The following SFXN3 variants were observed in gnomAD, a reference collection of about 807,000 sequenced individuals.
The protein encoded by SFXN3 is sideroflexin-3.
SFXN3 carries 31 observed loss-of-function variants against 40.4 expected under a neutral mutation model. The ratio of observed to expected loss-of-function variants is 0.77; its 90% CI spans 0.58 to 1.04. The LOEUF (loss-of-function observed/expected upper bound fraction) is 1.04, where lower values mean the gene tolerates loss of function less well. Ranked by LOEUF, SFXN3 falls within the 50% of genes least tolerant of loss-of-function variation. SFXN3 has a pLI of 0.00. For synonymous variants in SFXN3, 157 were observed against 160.0 expected, an observed-to-expected ratio of 0.98 and a Z score of 0.14; for missense variants, 366 against 408.2, an observed-to-expected ratio of 0.90 and a Z score of 0.89.
chr10:101,036,436 A>G lies in SFXN3; in HGVS notation c.432-50A>G, dbSNP rs370583086. 7.0e-6 allele frequency: 11 copies of G among 1,582,090 alleles called. No individual in the cohort carries two copies. The highest frequency in any genetic ancestry group is 8.7e-6 in the Non-Finnish European group (10 of 1,151,372). ...TGGCATATCCCTAAAGGAAAGGGCCACCTGCTGGACTTGTCACCTCTCCCC... is the reference window on the plus strand; with the variant it reads ...TGGCATATCCCTAAAGGAAAGGGCCGCCTGCTGGACTTGTCACCTCTCCCC... On this transcript the variant is annotated intron_variant, in intron 5 of 11. Coordinates refer to ENST00000393459, the Ensembl canonical transcript of SFXN3. The surrounding 1 kb of genome is among the most constrained non-coding windows in gnomAD (Gnocchi z 4.2).
chr10:101,037,785 C>T (rs1414446928), intron 9 of SFXN3: 1 of 1,184,748 alleles, frequency 8.4e-7, no homozygotes, highest in Non-Finnish European at 1.1e-6. Context: ...CACGCACACA[C>T]AGACATGAAC....
At chr10:101,035,413 G>A (rs1450731618) in intron 3 of SFXN3, 84 bp from the exon 4 acceptor site, 12 of 1,481,144 alleles carry the variant, frequency 8.1e-6, no homozygotes, top group Non-Finnish European at 9.9e-6. Context: ...TCTGTCCAGA[G>A]TTACCCTGAG....
Position 101,039,842 on chromosome 10 carries a change from T to C in SFXN3, c.*257T>C. ...TGCATATACATACATGATACACATG[T>C]GTATGTGTACATTGGGTCCTGAAAG... On this transcript the variant is annotated 3_prime_UTR_variant, in exon 12 of 12. Coordinates refer to ENST00000393459, the Ensembl canonical transcript of SFXN3. This position sits in a 1 kb window ranked among gnomAD's most constrained non-coding sequence, Gnocchi z 4.6. The C allele has an allele frequency of 1.9e-6, 1 of 522,528 alleles. No homozygotes were observed. The highest frequency in any genetic ancestry group is 3.5e-6 in the Non-Finnish European group (1 of 288,620). 32.4% of individuals were successfully genotyped at this position (522,528 alleles called of 1,614,324 possible).
intron 2 of SFXN3, 24 bp from the exon 3 acceptor site, chr10:101,034,668 C>T (rs1398105720): frequency 6.2e-7 from 1 of 1,612,620 alleles, no homozygotes; most frequent in Non-Finnish European, 8.5e-7. Flanking sequence ...GACTCCCGCT[C>T]TGACCCTTAT....
chr10:101,039,540 G>A lies in SFXN3; in HGVS notation c.921G>A (p.Glu307=). ...CAGAGCTGAGAGCTCAGATCCATGA[G>A]CAAAACCCCAGCGTTGAAGTGGTCT... The change falls in exon 12 of 12, where the codon GAG becomes GAA. Residue 307 remains glutamate, a synonymous_variant. Transcript: ENST00000393459. The surrounding 1 kb of genome is among the most constrained non-coding windows in gnomAD (Gnocchi z 4.6). The A allele has an allele frequency of 6.2e-7, 1 of 1,614,134 alleles. No homozygotes were observed. The highest frequency in any genetic ancestry group is 8.5e-7 in the Non-Finnish European group (1 of 1,179,992).
At chr10:101,040,167 G>A (rs1368564618) in exon 12 of SFXN3, 1 of 157,218 alleles carries the variant, frequency 6.4e-6, no homozygotes, top group African/African-American at 2.4e-5. Flanking sequence ...AGGGAGGCAG[G>A]GGACTTATGC....
At chr10:101,035,966 G>A (rs781078772) in intron 4 of SFXN3, 37 bp from the exon 5 acceptor site, 11 of 1,562,400 alleles carry the variant, frequency 7.0e-6, no homozygotes, top group African/African-American at 1.4e-5. Flanking sequence ...GAGGGCCACT[G>A]TAGACGGGGC....
At position 101,036,509 on chromosome 10, in the gene SFXN3, G is replaced by A. The variant is rs763882085; in HGVS notation, c.455G>A (p.Ser152Asn). ...AGGCAGCTGGGGACAGCCTATGTGAGTGCCACCACTGGAGCTGTGGCCACG... is the reference window on the plus strand; with the variant it reads ...AGGCAGCTGGGGACAGCCTATGTGAATGCCACCACTGGAGCTGTGGCCACG... Residue 152 changes from serine (S) to asparagine (N), a missense_variant, in exon 6 of 12, where the codon AGT becomes AAT. Transcript: ENST00000393459. The surrounding 1 kb of genome is among the most constrained non-coding windows in gnomAD (Gnocchi z 4.2). The A allele has an allele frequency of 1.2e-6, 2 of 1,614,004 alleles. No individual in the cohort carries two copies. Among genetic ancestry groups the A allele is most frequent in the Non-Finnish European group, 1.7e-6 (2 of 1,180,002 alleles).
At position 101,039,778 on chromosome 10, in the gene SFXN3, A is replaced by G. The variant is rs1938811526; in HGVS notation, c.*193A>G. On this transcript the variant is annotated 3_prime_UTR_variant, in exon 12 of 12. Coordinates refer to ENST00000393459, the Ensembl canonical transcript of SFXN3. This position sits in a 1 kb window ranked among gnomAD's most constrained non-coding sequence, Gnocchi z 4.6. ...CTTTTCCTCCCTTCTCTGGTTTCAA[A>G]GATCAGAGCACATAACCCCTCCTGT... 1.7e-6 allele frequency: 1 copy of G among 605,500 alleles called. No individual in the cohort carries two copies. Among genetic ancestry groups the G allele is most frequent in the Non-Finnish European group, 3.0e-6 (1 of 338,400 alleles). The allele number at this position is 605,500 out of a possible 1,614,324, so 37.5% of individuals were successfully genotyped here.
chr10:101,038,009 A>G, intron 9 of SFXN3: 1 of 321,400 alleles, frequency 3.1e-6, no homozygotes, highest in Non-Finnish European at 4.6e-6. Context: ...TAGAAAGTGT[A>G]ATATGTGCTT....
rs1448701960 is a variant in SFXN3 at position 101,036,304 on chromosome 10, C to A, written c.432-182C>A. Among the ~76,000 whole-genome samples the A allele has an allele frequency of 1.3e-5, 2 of 152,234 alleles. No homozygotes were observed. The highest frequency in any genetic ancestry group is 4.8e-5 in the African/African-American group (2 of 41,456). On this transcript the variant is annotated intron_variant, in intron 5 of 11. Transcript: ENST00000393459. This position sits in a 1 kb window ranked among gnomAD's most constrained non-coding sequence, Gnocchi z 4.2. The stretch of plus-strand genomic sequence containing the variant: ...TATGTATGCTGTGGGGGACCCACCC[C>A]TCTTCACAGGGTGCTACTGGGGCTT...
intron 2 of SFXN3, 92 bp downstream of exon 2, chr10:101,032,574 T>C (rs1938330041): frequency 2.9e-6 from 4 of 1,378,702 alleles, no homozygotes; most frequent in Non-Finnish European, 3.9e-6. Context: ...GTGCAGTCAA[T>C]GTCCTCGGCT....
chr10:101,039,062 G>A lies in SFXN3; in HGVS notation c.822-113G>A. On this transcript the variant is annotated intron_variant, in intron 10 of 11. Coordinates refer to ENST00000393459, the Ensembl canonical transcript of SFXN3. This position sits in a 1 kb window ranked among gnomAD's most constrained non-coding sequence, Gnocchi z 4.6. ...TTACTATTCCTAAAAGGTCCTTTCA[G>A]CTTTTATCAATCTCCACCCCTAGGG... The A allele has an allele frequency of 1.1e-6, 1 of 933,870 alleles. No individual in the cohort carries two copies. The allele number at this position is 933,870 out of a possible 1,614,324, so 57.8% of individuals were successfully genotyped here.
At chr10:101,035,553 T>C in exon 4 of SFXN3, 3 of 1,613,892 alleles carry the variant, frequency 1.9e-6, no homozygotes, top group Non-Finnish European at 2.5e-6. Flanking sequence ...GCCAAGTATG[T>C]GTATGACTCC....
At chr10:101,034,556 C>T in intron 2 of SFXN3, 136 bp from the exon 3 acceptor site, 11 of 867,348 alleles carry the variant, frequency 1.3e-5, no homozygotes, top group Non-Finnish European at 2.0e-5. Flanking sequence ...TTTCTTTTCC[C>T]TACATCTAGT....
intron 1 of SFXN3, 105 bp from the exon 2 acceptor site, chr10:101,032,209 C>A: frequency 2.2e-6 from 1 of 458,074 alleles, no homozygotes; most frequent in Non-Finnish European, 3.9e-6. Context: ...GGGAGGGGGC[C>A]AGAACTGATC....
chr10:101,039,367 C>A lies in SFXN3; in HGVS notation c.870-122C>A. The A allele has an allele frequency of 8.3e-7, 1 of 1,204,924 alleles. No homozygotes were observed. Among genetic ancestry groups the A allele is most frequent in the Non-Finnish European group, 1.2e-6 (1 of 816,156 alleles). 74.6% of individuals were successfully genotyped at this position (1,204,924 alleles called of 1,614,324 possible). A position where few individuals can be genotyped will look rare whatever the true frequency, so the allele number is the denominator to read the frequency against. Reference sequence around the variant, plus strand: ...TGGGAGTGGGGGAATGACAGTGAGCCAGTCCTTCTGGCAGTAGAAGGAGAG... The same window carrying A: ...TGGGAGTGGGGGAATGACAGTGAGCAAGTCCTTCTGGCAGTAGAAGGAGAG... On this transcript the variant is annotated intron_variant, in intron 11 of 11. Transcript: ENST00000393459. The surrounding 1 kb of genome is among the most constrained non-coding windows in gnomAD (Gnocchi z 4.6).
chr10:101,038,109 A>C, intron 9 of SFXN3: 1 of 290,062 alleles, frequency 3.4e-6, no homozygotes, highest in Non-Finnish European at 5.4e-6. Flanking sequence ...TTAATGCCGC[A>C]AAGGATGAGG....
exon 12 of SFXN3, chr10:101,041,190 G>C (rs1028861345): frequency 6.6e-6 from 1 of 152,236 alleles, no homozygotes; most frequent in Non-Finnish European, 1.5e-5. Flanking sequence ...ACCGCCCCCA[G>C]TGATAACATC....
Sources: allele counts gnomAD v4.1 joint callset (sites outside exome capture counted in the v4.1 genomes callset), GRCh38; gene constraint gnomAD v4.1.1; non-coding constraint Gnocchi (gnomAD v3.1); transcripts MANE v1.5; gene names NCBI Gene and HGNC (gene_info 2026-07-23, HGNC 2026-07-21).